Variants in FBN3 observed in about 807,000 individuals in gnomAD.
FBN3 encodes fibrillin-3.
In FBN3, 234 loss-of-function variants were observed where a neutral mutation model predicts 330.1. That is an observed-to-expected ratio of 0.71 (90% CI 0.64 to 0.79). The LOEUF is 0.79. Ranked by LOEUF, FBN3 falls within the 30% of genes least tolerant of loss-of-function variation. The probability of loss-of-function intolerance (pLI) is 0.00; values close to 1 mark genes in which losing one functional copy is unlikely to be tolerated. For synonymous variants in FBN3, 1,458 were observed against 1,517.3 expected (o/e 0.96, Z 0.91); for missense variants, 3,606 against 3,886.9 (o/e 0.93, Z 1.92).
chr19:8,144,251 A>G (rs2083482404), intron 6 of FBN3, among the ~76,000 whole-genome samples: 1 of 152,056 alleles, frequency 6.6e-6, no homozygotes, highest in African/African-American at 2.4e-5. Context: ...AATTACAAAA[A>G]TTAGCTGAGC....
intron 59 of FBN3, 102 bp downstream of exon 59, chr19:8,080,901 C>A (rs540960906): frequency 1.5e-5 from 12 of 791,832 alleles, no homozygotes; most frequent in South Asian, 7.8e-5. Context: ...GGATTACAGG[C>A]GTGAGCCATT....
At chr19:8,126,066 C>T in intron 21 of FBN3, 49 bp from the exon 22 acceptor site, 1 of 1,611,052 alleles carries the variant, frequency 6.2e-7, no homozygotes, top group Non-Finnish European at 8.5e-7. Flanking sequence ...GGGAAGGGTG[C>T]TGGCTGGCCA....
chr19:8,115,961 G>T (rs1233642654), intron 29 of FBN3, among the ~76,000 whole-genome samples: 1 of 151,994 alleles, frequency 6.6e-6, no homozygotes, highest in Non-Finnish European at 1.5e-5. Flanking sequence ...CCTCCTGCAG[G>T]ACTTTTCAGA....
Position 8,131,773 on chromosome 19 carries a change from C to T in FBN3, c.1771G>A (p.Glu591Lys), listed in dbSNP as rs757538663. 74 of 1,612,906 alleles carry T rather than the reference C, an allele frequency of 4.6e-5. No individual in the cohort carries two copies. The highest frequency in any genetic ancestry group is 4.5e-4 in the South Asian group (41 of 90,916). The change falls in exon 15 of 64, where the codon GAG becomes AAG. Residue 591 changes from glutamate (E) to lysine (K), a missense_variant. Coordinates refer to ENST00000600128, the MANE Select transcript of FBN3 (RefSeq NM_032447.5). This position sits in a 1 kb window ranked among gnomAD's most constrained non-coding sequence, Gnocchi z 4.5. The stretch of plus-strand genomic sequence containing the variant: ...AGGCACTGGCAGCGGAAGGAGCCCT[C>T]GGTGTTGGTACAGTGGCCGTTCACG... The part of the protein sequence containing the change: ...ICVNGHCTNT[E>K]GSFRCQCLGG...
rs765784687 is a variant in FBN3, at chr19:8,138,568, C to T, written c.866-4G>A. 6.2e-7 allele frequency: 1 copy of T among 1,602,410 alleles called. No homozygotes were observed. Among genetic ancestry groups the T allele is most frequent in the Non-Finnish European group, 8.5e-7 (1 of 1,176,142 alleles). On this transcript the variant is annotated splice_polypyrimidine_tract_variant and splice_region_variant and intron_variant, in intron 8 of 63. Coordinates refer to ENST00000600128, the MANE Select transcript of FBN3 (RefSeq NM_032447.5). ...AAGCAGGCGCCGGCCCGGTAGTCTGCAAAAGATCAGAGGGTGAGCCCATGA... is the reference window on the plus strand; with the variant it reads ...AAGCAGGCGCCGGCCCGGTAGTCTGTAAAAGATCAGAGGGTGAGCCCATGA...
Position 8,136,221 on chromosome 19 carries a change from G to A in FBN3, c.1434C>T (p.Phe478=). ...ATGCCTGCCTGGTGGGCGTGGCCTG[G>A]AAGCCCGGGTAGCACCGGCAGTGGT... The part of the protein sequence containing the change: ...GTYHCRCYPG[F]QATPTRQACV... The change falls in exon 12 of 64, where the codon TTC becomes TTT. Residue 478 remains phenylalanine (F), a synonymous_variant. Transcript: ENST00000600128. 6.2e-7 allele frequency: 1 copy of A among 1,612,874 alleles called. No homozygotes were observed. The highest frequency in any genetic ancestry group is 8.5e-7 in the Non-Finnish European group (1 of 1,179,808).
At chr19:8,120,231 G>A (rs1369273802) in intron 25 of FBN3, among the ~76,000 whole-genome samples, 10 of 141,042 alleles carry the variant, frequency 7.1e-5, no homozygotes, top group South Asian at 4.6e-4. Flanking sequence ...GTGCAGTGGC[G>A]CGATCTCGGC....
intron 38 of FBN3, among the ~76,000 whole-genome samples, chr19:8,105,327 G>T (rs1425613238): frequency 6.7e-6 from 1 of 149,620 alleles, no homozygotes; most frequent in Non-Finnish European, 1.5e-5. Flanking sequence ...GCACAATCAC[G>T]GCTCACTGCA....
In FBN3 at chr19:8,110,942, G is replaced by A. The variant is rs756511524; in HGVS notation, c.4236C>T (p.Asn1412=). 1.4e-5 allele frequency: 22 copies of A among 1,614,126 alleles called. No individual in the cohort carries two copies. The highest frequency in any genetic ancestry group is 1.9e-5 in the Non-Finnish European group (22 of 1,180,050). ...TCTCACAGCTCCCAAATGCACAGAG[G>A]TTCCCTTGCGCACACTCGTCCACAT... ...CQDVDECAQG[N]LCAFGSCENL... Residue 1412 remains asparagine (N), a synonymous_variant, in exon 34 of 64, where the codon AAC becomes AAT. Coordinates refer to ENST00000600128, the MANE Select transcript of FBN3 (RefSeq NM_032447.5).
rs368876720 is a variant in FBN3, at chr19:8,131,225, C to T, written c.2044+10G>A. On this transcript the variant is annotated intron_variant, in intron 16 of 63. Coordinates refer to ENST00000600128, the MANE Select transcript of FBN3 (RefSeq NM_032447.5). The surrounding 1 kb of genome is among the most constrained non-coding windows in gnomAD (Gnocchi z 4.5). The stretch of plus-strand genomic sequence containing the variant: ...CTGGCTGCTGTTTGGAGGGGCTGGG[C>T]TCCACTTACCTCGACCATCCGTGGT... 2.8e-4 allele frequency: 455 copies of T among 1,605,642 alleles called. 8 individuals are homozygous for T. In the South Asian group the frequency reaches 3.8e-3, roughly 13 times the overall value.
intron 30 of FBN3, among the ~76,000 whole-genome samples, chr19:8,112,661 T>A (rs577920860): frequency 1.3e-5 from 2 of 151,752 alleles, no homozygotes; most frequent in East Asian, 1.9e-4. Context: ...AAAAAATAAA[T>A]AAATAAAAAA....
intron 57 of FBN3, among the ~76,000 whole-genome samples, chr19:8,082,311 T>TC (rs2081810739): frequency 8.8e-6 from 1 of 113,496 alleles, no homozygotes. Context: ...CTTTCTCCCT[T>TC]TCTCTTTCTT....
chr19:8,065,728 A>G lies in FBN3; in HGVS notation c.*191T>C, dbSNP rs2081374649. On this transcript the variant is annotated 3_prime_UTR_variant, in exon 64 of 64. Transcript: ENST00000600128. ...TGCTGTCTCCAGGAAAGACTGAGTA[A>G]CTGGGGGGCCCCCGGGGCTGGCACA... The G allele has an allele frequency of 1.7e-6, 1 of 576,964 alleles. No homozygotes were observed. Among genetic ancestry groups the G allele is most frequent in the African/African-American group, 1.9e-5 (1 of 53,336 alleles). 35.7% of individuals were successfully genotyped at this position (576,964 alleles called of 1,614,324 possible).
chr19:8,072,346 CGTGTGCACGAGTGT>C (rs2081534827), intron 62 of FBN3, 148 bp from the exon 63 acceptor site: 6 of 834,858 alleles, frequency 7.2e-6, no homozygotes, highest in Non-Finnish European at 1.1e-5. Context: ...GGTGTGGCTC[CGTGTGCACGAGTGT>C]GTGTGCACCA....
rs1330247784 is a variant in FBN3 at position 8,065,732 on chromosome 19, G to C, written c.*187C>G. 1.7e-6 allele frequency: 1 copy of C among 580,472 alleles called. No homozygotes were observed. The highest frequency in any genetic ancestry group is 3.0e-6 in the Non-Finnish European group (1 of 331,606). The allele number at this position is 580,472 out of a possible 1,614,324, so 36.0% of individuals were successfully genotyped here. A position where few individuals can be genotyped will look rare whatever the true frequency, so the allele number is the denominator to read the frequency against. ...GTCTCCAGGAAAGACTGAGTAACTG[G>C]GGGGCCCCCGGGGCTGGCACAGAGG... is the stretch of plus-strand genomic sequence containing the variant. On this transcript the variant is annotated 3_prime_UTR_variant, in exon 64 of 64. Transcript: ENST00000600128.
intron 27 of FBN3, 54 bp from the exon 28 acceptor site, chr19:8,117,345 G>C (rs985359953): frequency 7.2e-5 from 111 of 1,535,568 alleles, no homozygotes; most frequent in Non-Finnish European, 9.1e-5. Flanking sequence ...GTCCAGGATG[G>C]GGAGGGGGCT....
intron 38 of FBN3, among the ~76,000 whole-genome samples, chr19:8,103,980 T>C (rs990346335): frequency 1.3e-5 from 2 of 149,272 alleles, no homozygotes; most frequent in Admixed American, 6.7e-5. Context: ...TACTAAAAAT[T>C]TTAAAAAATT....
At chr19:8,144,719 A>G (rs1184771232) in intron 6 of FBN3, among the ~76,000 whole-genome samples, 158 bp downstream of exon 6, 1 of 152,084 alleles carries the variant, frequency 6.6e-6, no homozygotes, top group Admixed American at 6.6e-5. Flanking sequence ...TTTGGAGAAC[A>G]GATGAGCAAA....
intron 6 of FBN3, among the ~76,000 whole-genome samples, 182 bp from the exon 7 acceptor site, chr19:8,142,319 CA>C (rs1599448354): frequency 6.6e-6 from 1 of 152,290 alleles, no homozygotes; most frequent in East Asian, 1.9e-4. Flanking sequence ...ATTCACCCTT[CA>C]AAACCCTTTT....
Sources: gnomAD v4.1 joint callset for allele counts (sites outside exome capture counted in the v4.1 genomes callset) on GRCh38, gnomAD v4.1.1 for gene constraint, Gnocchi (gnomAD v3.1) non-coding constraint, MANE v1.5 for transcripts, NCBI Gene and HGNC (gene_info 2026-07-23, HGNC 2026-07-21) for gene names.